The following ZFHX4 variants were observed in gnomAD, a reference collection of about 807,000 sequenced individuals.
ZFHX4 encodes zinc finger homeobox protein 4.
A neutral mutation model predicts 267.6 loss-of-function variants in ZFHX4; 56 were observed. The ratio of observed to expected loss-of-function variants is 0.21; its 90% CI spans 0.17 to 0.26. ZFHX4 has a LOEUF of 0.26. ZFHX4 is among the 10% of genes least tolerant of loss of function. The probability of loss-of-function intolerance (pLI) is 1.00; values close to 1 mark genes in which losing one functional copy is unlikely to be tolerated. For missense variants in ZFHX4, 4,332 were observed against 4,420.0 expected (o/e 0.98, Z 0.56); for synonymous variants, 1,778 against 1,665.6 (o/e 1.07, Z -1.64).
chr8:76,748,164 C>T (rs527270479), intron 3 of ZFHX4, among the ~76,000 whole-genome samples: 2 of 152,188 alleles, frequency 1.3e-5, no homozygotes, highest in African/African-American at 4.8e-5. Context: ...TTCTACATCC[C>T]CCATTTTCAT....
chr8:76,833,642 C>T, intron 5 of ZFHX4: 1 of 426,024 alleles, frequency 2.3e-6, no homozygotes, highest in Non-Finnish European at 4.4e-6. Context: ...CCAATACCCT[C>T]TCCCCTGACA....
At chr8:76,856,379 G>A (rs753016715) in intron 10 of ZFHX4, 79 bp downstream of exon 10, 10 of 1,511,498 alleles carry the variant, frequency 6.6e-6, no homozygotes, top group Non-Finnish European at 8.1e-6. Flanking sequence ...AGAACGGGGT[G>A]CCTTTGGATT....
intron 3 of ZFHX4, among the ~76,000 whole-genome samples, chr8:76,742,923 C>G (rs1183244511): frequency 6.6e-6 from 1 of 151,812 alleles, no homozygotes; most frequent in Non-Finnish European, 1.5e-5. Context: ...TCTCTGTGTC[C>G]TATAATTCTT....
At chr8:76,785,813 A>G (rs1043619200) in intron 4 of ZFHX4, among the ~76,000 whole-genome samples, 5 of 152,136 alleles carry the variant, frequency 3.3e-5, no homozygotes, top group African/African-American at 1.2e-4. Context: ...AATTACGTAG[A>G]TAGTTCGGAT....
chr8:76,734,136 G>A (rs542018843), intron 3 of ZFHX4, among the ~76,000 whole-genome samples: 4 of 152,036 alleles, frequency 2.6e-5, no homozygotes, highest in Non-Finnish European at 5.9e-5. Context: ...TATTATAAAC[G>A]CCAGCCTTTA....
At chr8:76,762,613 A>G in intron 3 of ZFHX4, among the ~76,000 whole-genome samples, 1 of 152,212 alleles carries the variant, frequency 6.6e-6, no homozygotes, top group East Asian at 1.9e-4. Context: ...ATTTTTTAAA[A>G]TTACCAATTA....
Position 76,842,675 on chromosome 8 carries a change from G to A in ZFHX4, c.3415G>A (p.Glu1139Lys). Residue 1139 changes from glutamate (E) to lysine (K), a missense_variant, in exon 6 of 11, where the codon GAA becomes AAA. By Grantham distance (56) the Glu-to-Lys change is moderately conservative. Coordinates refer to ENST00000651372, the MANE Select transcript of ZFHX4 (RefSeq NM_024721.5). ...STSEEQSEEA[E>K]GAIKPTAVAE... ...AACAGAAGAACAAAGTGAGGAGGCA[G>A]AAGGAGCTATTAAGCCTACAGCAGT... is the stretch of plus-strand genomic sequence containing the variant. 6.4e-7 allele frequency: 1 copy of A among 1,552,514 alleles called. No homozygotes were observed. The highest frequency in any genetic ancestry group is 1.2e-5 in the South Asian group (1 of 84,016).
At chr8:76,693,603 A>G (rs1239722195) in intron 1 of ZFHX4, 1 of 152,192 alleles carries the variant, frequency 6.6e-6, no homozygotes, top group African/African-American at 2.4e-5. Flanking sequence ...ATATGAGAAT[A>G]ATTTGTTATG....
chr8:76,726,645 A>G (rs1333621039), intron 3 of ZFHX4, among the ~76,000 whole-genome samples: 1 of 152,192 alleles, frequency 6.6e-6, no homozygotes, highest in Non-Finnish European at 1.5e-5. Context: ...GTTAAAAGGA[A>G]TAACAATTAT....
chr8:76,855,887 T>A lies in ZFHX4; in HGVS notation c.8966T>A (p.Ile2989Asn). Residue 2989 changes from isoleucine to asparagine, a missense_variant, in exon 10 of 11, where the codon ATT (isoleucine) becomes AAT (asparagine). Ile to Asn is a moderately radical substitution (Grantham distance 149). Transcript: ENST00000651372. Reference sequence around the variant, plus strand: ...AGGGCAAAGGAAAAGAAATTTAAAATTAACATAGGGAAGCCTTTCATGATC... The same window carrying A: ...AGGGCAAAGGAAAAGAAATTTAAAAATAACATAGGGAAGCCTTTCATGATC... ...NARAKEKKFK[I>N]NIGKPFMINQ... The A allele has an allele frequency of 6.2e-7, 1 of 1,613,724 alleles. No individual in the cohort carries two copies. Among genetic ancestry groups the A allele is most frequent in the Non-Finnish European group, 8.5e-7 (1 of 1,179,798 alleles).
rs1237083994 is a variant in ZFHX4, at chr8:76,704,024, C to T, written c.-46-19C>T. 9 of 1,471,236 alleles carry T rather than the reference C, an allele frequency of 6.1e-6. No individual in the cohort carries two copies. The East Asian group carries it at 1.9e-4, about 31-fold the overall frequency. 91.1% of individuals were successfully genotyped at this position (1,471,236 alleles called of 1,614,324 possible). On this transcript the variant is annotated intron_variant, in intron 1 of 10. Transcript: ENST00000651372. The stretch of plus-strand genomic sequence containing the variant: ...ATTATTTAATAAAAATGGCTTCTCT[C>T]ACCTTATTTTTTATCCAGGTCCCTG...
Position 76,865,422 on chromosome 8 carries a change from A to G in ZFHX4, c.*857A>G, listed in dbSNP as rs555868019. 6.6e-6 allele frequency: 1 copy of G among 152,548 alleles called. No homozygotes were observed. The highest frequency in any genetic ancestry group is 2.1e-4 in the South Asian group (1 of 4,822). The allele number at this position is 152,548 out of a possible 1,614,324, so 9.4% of individuals were successfully genotyped here. On this transcript the variant is annotated 3_prime_UTR_variant, in exon 11 of 11. Transcript: ENST00000651372. Reference sequence around the variant, plus strand: ...TTTTCATTTGTGAATTTAATGCTATACTGTCAAGGTACTTGCTTGTGTCTG... The same window carrying G: ...TTTTCATTTGTGAATTTAATGCTATGCTGTCAAGGTACTTGCTTGTGTCTG...
chr8:76,682,196 C>T (rs1207399481), intron 1 of ZFHX4, among the ~76,000 whole-genome samples: 1 of 152,132 alleles, frequency 6.6e-6, no homozygotes, highest in African/African-American at 2.4e-5. Context: ...GTCGGTGGGG[C>T]TGGGAGCCCC....
chr8:76,836,680 G>A (rs749360750), intron 5 of ZFHX4, among the ~76,000 whole-genome samples: 40 of 151,960 alleles, frequency 2.6e-4, no homozygotes, highest in Admixed American at 1.5e-3. Flanking sequence ...CTAGTAAGGA[G>A]TTGTTATGTT....
Position 76,863,599 on chromosome 8 carries a change from C to T in ZFHX4, c.9885C>T (p.Ser3295=), listed in dbSNP as rs920103541. The change falls in exon 11 of 11, where the codon AGC becomes AGT. Residue 3295 remains serine (S), a synonymous_variant. Coordinates refer to ENST00000651372, the MANE Select transcript of ZFHX4 (RefSeq NM_024721.5). ...GYFPPVCGME[S]LFPYGPTMPQ... The stretch of plus-strand genomic sequence containing the variant: ...TCCCACCTGTCTGTGGCATGGAGAG[C>T]CTCTTTCCTTATGGCCCTACAATGC... 6.2e-7 allele frequency: 1 copy of T among 1,613,674 alleles called. No homozygotes were observed. The highest frequency in any genetic ancestry group is 8.5e-7 in the Non-Finnish European group (1 of 1,179,796).
chr8:76,798,527 T>G (rs1406407956), intron 4 of ZFHX4, among the ~76,000 whole-genome samples: 1 of 152,086 alleles, frequency 6.6e-6, no homozygotes, highest in Non-Finnish European at 1.5e-5. Flanking sequence ...TTTATCTCAG[T>G]TCTCTATCAC....
At chr8:76,728,158 A>C (rs1808904714) in intron 3 of ZFHX4, among the ~76,000 whole-genome samples, 1 of 152,168 alleles carries the variant, frequency 6.6e-6, no homozygotes, top group African/African-American at 2.4e-5. Flanking sequence ...TTGCATCTTA[A>C]ATATATATCT....
chr8:76,828,195 A>G (rs1007157105), intron 4 of ZFHX4, among the ~76,000 whole-genome samples: 1 of 152,224 alleles, frequency 6.6e-6, no homozygotes, highest in Non-Finnish European at 1.5e-5. Context: ...GATAATAATA[A>G]ATGTTGAATT....
At chr8:76,684,559 T>A (rs1040712714) in intron 1 of ZFHX4, among the ~76,000 whole-genome samples, 5 of 152,144 alleles carry the variant, frequency 3.3e-5, no homozygotes, top group African/African-American at 1.2e-4. Context: ...CAATGAAATA[T>A]GGGGGAAATA....
Sources: allele counts gnomAD v4.1 joint callset (sites outside exome capture counted in the v4.1 genomes callset), GRCh38; gene constraint gnomAD v4.1.1; transcripts MANE v1.5; gene names NCBI Gene and HGNC (gene_info 2026-07-23, HGNC 2026-07-21).